Variants in GULP1 observed in about 807,000 individuals in gnomAD.
GULP1 encodes the protein GULP PTB domain containing engulfment adaptor 1.
GULP1 carries 19 observed loss-of-function variants against 40.9 expected under a neutral mutation model. The observed-to-expected ratio is 0.46, with a 90% CI of 0.32 to 0.68. GULP1 has a LOEUF of 0.68. Ranked by LOEUF, GULP1 falls within the 30% of genes least tolerant of loss-of-function variation. The pLI, the probability that GULP1 is intolerant of heterozygous loss-of-function variation, is 0.03. For missense variants in GULP1, 312 were observed against 362.2 expected, an observed-to-expected ratio of 0.86 and a Z score of 1.12; for synonymous variants, 119 against 117.6, an observed-to-expected ratio of 1.01 and a Z score of -0.08.
chr2:188,509,246 A>G (rs975840477), intron 4 of GULP1, among the ~76,000 whole-genome samples: 4 of 152,016 alleles, frequency 2.6e-5, no homozygotes, highest in Non-Finnish European at 2.9e-5. Flanking sequence ...GCTTGTCTCA[A>G]TATGTTCCAG....
chr2:188,568,560 T>C (rs551753454), intron 7 of GULP1, among the ~76,000 whole-genome samples: 1 of 152,344 alleles, frequency 6.6e-6, no homozygotes, highest in South Asian at 2.1e-4. Context: ...ACTGGCACTG[T>C]GTTTTACCAA....
intron 1 of GULP1, among the ~76,000 whole-genome samples, chr2:188,357,043 T>C (rs1020106231): frequency 6.6e-6 from 1 of 152,048 alleles, no homozygotes; most frequent in Non-Finnish European, 1.5e-5. Context: ...TGTTTCACCA[T>C]GTACAAAGAT....
intron 4 of GULP1, among the ~76,000 whole-genome samples, chr2:188,500,779 T>C (rs576773381): frequency 6.6e-6 from 1 of 152,050 alleles, no homozygotes; most frequent in Admixed American, 6.6e-5. Flanking sequence ...CTTCACTGGC[T>C]CTTGATACTC....
chr2:188,443,690 CTT>C (rs1231359913), intron 2 of GULP1, among the ~76,000 whole-genome samples: 8 of 142,464 alleles, frequency 5.6e-5, no homozygotes, highest in Non-Finnish European at 9.2e-5. Flanking sequence ...AATTTCTTTT[CTT>C]TTTTTTTTTT....
At chr2:188,567,387 C>A (rs1220756952) in intron 7 of GULP1, among the ~76,000 whole-genome samples, 1 of 152,114 alleles carries the variant, frequency 6.6e-6, no homozygotes, top group Non-Finnish European at 1.5e-5. Context: ...AACCCAAATG[C>A]CCATCAATGA....
rs138593459 is a variant in GULP1 at position 188,549,835 on chromosome 2, A to G, written c.399+8517A>G. 4.4e-4 allele frequency among the ~76,000 whole-genome samples: 67 copies of G among 151,912 alleles called. 2 individuals are homozygous for G. Among genetic ancestry groups the G allele is most frequent in the Middle Eastern group, 3.4e-3 (1 of 294 alleles). On this transcript the variant is annotated intron_variant, in intron 7 of 11. Coordinates refer to ENST00000409830, the MANE Select transcript of GULP1 (RefSeq NM_016315.4). ...AGAGATTAAGGAATGCAAAAAGTCT[A>G]TCTCAAAAGCCTGTGTACTCTATGA...
chr2:188,375,227 C>T (rs1209015473), intron 1 of GULP1, among the ~76,000 whole-genome samples: 2 of 152,072 alleles, frequency 1.3e-5, no homozygotes, highest in African/African-American at 4.8e-5. Context: ...GAAATTATAT[C>T]CAATTATGGT....
Position 188,450,445 on chromosome 2 carries a change from G to A in GULP1, c.-44-27214G>A, listed in dbSNP as rs73040467. On this transcript the variant is annotated intron_variant, in intron 2 of 11. Coordinates refer to ENST00000409830, the MANE Select transcript of GULP1 (RefSeq NM_016315.4). ...AATAGGGGAATAATAGTTACCTGGA[G>A]TAATTAGATGTAGGAAACTAGCTTA... 2.8e-3 allele frequency among the ~76,000 whole-genome samples: 425 copies of A among 152,198 alleles called. 2 individuals are homozygous for A. The highest frequency in any genetic ancestry group is 9.2e-3 in the African/African-American group (380 of 41,530).
intron 4 of GULP1, among the ~76,000 whole-genome samples, chr2:188,514,135 G>A (rs965888292): frequency 1.3e-5 from 2 of 149,884 alleles, no homozygotes; most frequent in South Asian, 2.1e-4. Context: ...GCTTTGCCCC[G>A]AGCTATCGGG....
At chr2:188,508,887 A>T (rs80006146) in intron 4 of GULP1, among the ~76,000 whole-genome samples, 1 of 151,420 alleles carries the variant, frequency 6.6e-6, no homozygotes, top group Non-Finnish European at 1.5e-5. Flanking sequence ...TACCCACACA[A>T]TTTTTTTTCC....
intron 7 of GULP1, among the ~76,000 whole-genome samples, chr2:188,557,723 A>G (rs1034500970): frequency 7.2e-5 from 11 of 152,202 alleles, no homozygotes; most frequent in African/African-American, 2.2e-4. Context: ...CAGTCCCCCA[A>G]TGGGGAGTCT....
intron 4 of GULP1, chr2:188,491,719 T>C (rs1343103873): frequency 1.3e-5 from 2 of 152,130 alleles, no homozygotes; most frequent in Non-Finnish European, 1.5e-5. Context: ...CTAAGATTTC[T>C]ATTCATGACA....
rs2033901254 is a variant in GULP1, at chr2:188,292,185, G to A, written c.-172+19G>A. 1 of 152,516 alleles carries A rather than the reference G, an allele frequency of 6.6e-6. No individual in the cohort carries two copies. Among genetic ancestry groups the A allele is most frequent in the African/African-American group, 2.4e-5 (1 of 41,472 alleles). 9.4% of individuals were successfully genotyped at this position (152,516 alleles called of 1,614,324 possible). A position where few individuals can be genotyped will look rare whatever the true frequency, so the allele number is the denominator to read the frequency against. On this transcript the variant is annotated intron_variant, in intron 1 of 11. Coordinates refer to ENST00000409830, the MANE Select transcript of GULP1 (RefSeq NM_016315.4). This position sits in a 1 kb window ranked among gnomAD's most constrained non-coding sequence, Gnocchi z 4.0. ...CAGTGAGGTACGGAGATTTATCTAG[G>A]CTCTTCCCTGGCTGCGAACCCAGGC...
At chr2:188,573,323 TTAAAA>T (rs1296088553) in intron 9 of GULP1, among the ~76,000 whole-genome samples, 2 of 152,136 alleles carry the variant, frequency 1.3e-5, no homozygotes, top group East Asian at 1.9e-4. Context: ...ATTCCTGATA[TTAAAA>T]TAAAACAAAA....
intron 1 of GULP1, among the ~76,000 whole-genome samples, chr2:188,347,553 A>G (rs1473948584): frequency 6.6e-6 from 1 of 152,098 alleles, no homozygotes; most frequent in Non-Finnish European, 1.5e-5. Flanking sequence ...CTTAATATAT[A>G]GTCATGCTTT....
intron 2 of GULP1, among the ~76,000 whole-genome samples, chr2:188,397,499 TCA>T (rs2051457312): frequency 6.6e-6 from 1 of 152,194 alleles, no homozygotes; most frequent in African/African-American, 2.4e-5. Flanking sequence ...TAAATAAAAC[TCA>T]CTGCAATTTT....
rs1575162485 is a variant in GULP1 at position 188,425,078 on chromosome 2, G to T, written c.-45+41189G>T. 2.0e-5 allele frequency among the ~76,000 whole-genome samples: 3 copies of T among 152,068 alleles called. No homozygotes were observed. The Middle Eastern group carries it at 0.01, about 517-fold the overall frequency. ...GATTTTTCAGGGATTGAAAATGGTT[G>T]TTCCAATCTTATCATTACTAACATA... On this transcript the variant is annotated intron_variant, in intron 2 of 11. Coordinates refer to ENST00000409830, the MANE Select transcript of GULP1 (RefSeq NM_016315.4).
chr2:188,477,618 C>T lies in GULP1; in HGVS notation c.-44-41C>T, dbSNP rs1437861867. 3.0e-6 allele frequency: 3 copies of T among 1,016,434 alleles called. No individual in the cohort carries two copies. The East Asian group carries it at 7.9e-5, about 27-fold the overall frequency. 63.0% of individuals were successfully genotyped at this position (1,016,434 alleles called of 1,614,324 possible). A position where few individuals can be genotyped will look rare whatever the true frequency, so the allele number is the denominator to read the frequency against. ...CATTAGCAAAAGAGAGGTCAGTCAA[C>T]AGTCCTTTGTTTATGTTTTAATATT... is the stretch of plus-strand genomic sequence containing the variant. On this transcript the variant is annotated intron_variant, in intron 2 of 11. Transcript: ENST00000409830.
At chr2:188,499,719 T>G (rs1254219942) in intron 4 of GULP1, among the ~76,000 whole-genome samples, 3 of 151,804 alleles carry the variant, frequency 2.0e-5, no homozygotes, top group Admixed American at 6.6e-5. Flanking sequence ...TGTTTTTCTT[T>G]TTTACTCTGT....
Sources: allele counts gnomAD v4.1 joint callset (sites outside exome capture counted in the v4.1 genomes callset), GRCh38; gene constraint gnomAD v4.1.1; non-coding constraint Gnocchi (gnomAD v3.1); transcripts MANE v1.5; gene names NCBI Gene and HGNC (gene_info 2026-07-23, HGNC 2026-07-21).